The following TBC1D22A variants were observed in gnomAD, a reference collection of about 807,000 sequenced individuals.
TBC1D22A encodes putative GTPase activator.
A neutral mutation model predicts 60.2 loss-of-function variants in TBC1D22A; 38 were observed. The ratio of observed to expected loss-of-function variants is 0.63; its 90% CI spans 0.49 to 0.83. The LOEUF is 0.83. Among genes scored for constraint, TBC1D22A ranks in the 40% least tolerant of loss-of-function variants. The probability of loss-of-function intolerance (pLI) is 0.00; values close to 1 mark genes in which losing one functional copy is unlikely to be tolerated. For missense variants in TBC1D22A, 628 were observed against 701.0 expected, an observed-to-expected ratio of 0.90 and a Z score of 1.18; for synonymous variants, 302 against 281.7, an observed-to-expected ratio of 1.07 and a Z score of -0.72.
At chr22:47,119,677 A>G (rs1434479312) in intron 12 of TBC1D22A, among the ~76,000 whole-genome samples, 1 of 152,028 alleles carries the variant, frequency 6.6e-6, no homozygotes, top group South Asian at 2.1e-4. Context: ...TTGTATTTTT[A>G]GTAGAGACAG....
intron 11 of TBC1D22A, among the ~76,000 whole-genome samples, chr22:47,040,521 G>T (rs9615452): frequency 6.6e-6 from 1 of 150,980 alleles, no homozygotes; most frequent in Non-Finnish European, 1.5e-5. Flanking sequence ...AGAGGGCATC[G>T]GTAAGTCTGA....
intron 12 of TBC1D22A, among the ~76,000 whole-genome samples, chr22:47,170,853 A>G (rs1443038678): frequency 1.4e-5 from 2 of 141,904 alleles, no homozygotes; most frequent in African/African-American, 2.7e-5. Flanking sequence ...CTGATGCAGG[A>G]CCGGAGAGAG....
At chr22:46,949,303 A>G (rs2072752223) in intron 8 of TBC1D22A, among the ~76,000 whole-genome samples, 1 of 152,246 alleles carries the variant, frequency 6.6e-6, no homozygotes, top group Non-Finnish European at 1.5e-5. Flanking sequence ...TGTGAGTGCC[A>G]GAGGGAACCT....
At chr22:46,970,243 C>T (rs994096437) in intron 8 of TBC1D22A, among the ~76,000 whole-genome samples, 1 of 152,092 alleles carries the variant, frequency 6.6e-6, no homozygotes, top group East Asian at 1.9e-4. Flanking sequence ...CCCAGGGCCA[C>T]AGCCATGGCT....
chr22:46,830,391 C>T (rs544423879), intron 4 of TBC1D22A, among the ~76,000 whole-genome samples: 183 of 152,318 alleles, frequency 1.2e-3, no homozygotes, highest in Non-Finnish European at 2.1e-3. Context: ...TTTCCAGCAG[C>T]CCTCAGATCT....
At chr22:47,171,782 TC>T in intron 12 of TBC1D22A, among the ~76,000 whole-genome samples, 1 of 152,224 alleles carries the variant, frequency 6.6e-6, no homozygotes, top group African/African-American at 2.4e-5. Flanking sequence ...TGCTTTTCCT[TC>T]CCCGTTGTGG....
At chr22:46,791,226 T>G (rs941047697) in intron 1 of TBC1D22A, among the ~76,000 whole-genome samples, 2 of 152,184 alleles carry the variant, frequency 1.3e-5, no homozygotes, top group East Asian at 3.8e-4. Flanking sequence ...TTCGCCATGT[T>G]GCCCAGGCTG....
chr22:47,003,475 G>C (rs576532235), intron 10 of TBC1D22A, among the ~76,000 whole-genome samples: 87 of 44,202 alleles, frequency 2.0e-3, no homozygotes, highest in African/African-American at 7.9e-3. Flanking sequence ...CTGTACACAC[G>C]CACCCTACGC....
At chr22:46,968,228 C>T (rs911824805) in intron 8 of TBC1D22A, among the ~76,000 whole-genome samples, 1 of 152,206 alleles carries the variant, frequency 6.6e-6, no homozygotes, top group Non-Finnish European at 1.5e-5. Flanking sequence ...CAGAGGCCTC[C>T]ATGCTGTGCG....
At chr22:47,094,395 G>C (rs182456960) in intron 11 of TBC1D22A, among the ~76,000 whole-genome samples, 1 of 152,164 alleles carries the variant, frequency 6.6e-6, no homozygotes, top group East Asian at 1.9e-4. Context: ...CATCCCATCC[G>C]TTGAAGGCCT....
chr22:46,937,140 A>C (rs1002013457), intron 8 of TBC1D22A, among the ~76,000 whole-genome samples: 3 of 152,192 alleles, frequency 2.0e-5, no homozygotes, highest in Non-Finnish European at 4.4e-5. Flanking sequence ...ATGTTTGAAC[A>C]TTTCAAACTA....
chr22:46,937,890 G>A (rs545265721), intron 8 of TBC1D22A, among the ~76,000 whole-genome samples: 1 of 151,914 alleles, frequency 6.6e-6, no homozygotes, highest in East Asian at 1.9e-4. Flanking sequence ...TATAGAATAA[G>A]AAAATGAAGA....
intron 7 of TBC1D22A, among the ~76,000 whole-genome samples, chr22:46,908,212 G>C (rs2069631073): frequency 6.6e-6 from 1 of 152,234 alleles, no homozygotes; most frequent in African/African-American, 2.4e-5. Flanking sequence ...GGCACAAGGT[G>C]ATGGTGGTCA....
chr22:46,942,023 AT>A (rs1403878748), intron 8 of TBC1D22A, among the ~76,000 whole-genome samples: 1 of 136,760 alleles, frequency 7.3e-6, no homozygotes. Flanking sequence ...ATATATATAT[AT>A]ATTATATATA....
chr22:46,774,093 T>C (rs1194127913), intron 1 of TBC1D22A: 1 of 985,502 alleles, frequency 1.0e-6, no homozygotes, highest in Non-Finnish European at 1.2e-6. Flanking sequence ...CCCGCACCCA[T>C]CCTCCTGTTT....
intron 12 of TBC1D22A, among the ~76,000 whole-genome samples, chr22:47,128,666 T>C (rs769307022): frequency 8.5e-5 from 13 of 152,126 alleles, no homozygotes; most frequent in Non-Finnish European, 1.9e-4. Context: ...TCCCTCTCTG[T>C]GATGGATACC....
At chr22:46,879,157 G>A (rs1388334953) in intron 5 of TBC1D22A, among the ~76,000 whole-genome samples, 1 of 149,774 alleles carries the variant, frequency 6.7e-6, no homozygotes, top group Non-Finnish European at 1.5e-5. Context: ...GCGCTGTTAG[G>A]AAAAGAGAAG....
intron 11 of TBC1D22A, among the ~76,000 whole-genome samples, chr22:47,109,324 G>A: frequency 6.6e-6 from 1 of 152,172 alleles, no homozygotes; most frequent in East Asian, 1.9e-4. Context: ...GTTATTGATA[G>A]ATTATAAGCA....
At position 47,028,694 on chromosome 22, in the gene TBC1D22A, C is replaced by T. The variant is rs2062349218; in HGVS notation, c.1202-8377C>T. 6.6e-6 allele frequency among the ~76,000 whole-genome samples: 1 copy of T among 152,232 alleles called. No individual in the cohort carries two copies. Among genetic ancestry groups the T allele is most frequent in the South Asian group, 2.1e-4 (1 of 4,826 alleles). The stretch of plus-strand genomic sequence containing the variant: ...TCCTTGTGTTGAGCATGTGAGAAGA[C>T]AGCAGTTGTGTGACACGACGTTGAC... On this transcript the variant is annotated intron_variant, in intron 10 of 12. Coordinates refer to ENST00000337137, the MANE Select transcript of TBC1D22A (RefSeq NM_014346.5). The surrounding 1 kb of genome is among the most constrained non-coding windows in gnomAD (Gnocchi z 4.4).
Sources: allele counts gnomAD v4.1 joint callset (sites outside exome capture counted in the v4.1 genomes callset), GRCh38; gene constraint gnomAD v4.1.1; non-coding constraint Gnocchi (gnomAD v3.1); transcripts MANE v1.5; gene names NCBI Gene and HGNC (gene_info 2026-07-23, HGNC 2026-07-21).